The following TRAFD1 variants were observed in gnomAD, a reference collection of about 807,000 sequenced individuals.
TRAFD1 encodes TRAF-type zinc finger domain containing 1.
In TRAFD1, 38 loss-of-function variants were observed where a neutral mutation model predicts 65.3. The ratio of observed to expected loss-of-function variants is 0.58; its 90% CI spans 0.45 to 0.76. The LOEUF (loss-of-function observed/expected upper bound fraction) is 0.76. TRAFD1 is among the 30% of genes least tolerant of loss of function. The pLI is 0.00. For missense variants in TRAFD1, 631 were observed against 712.6 expected (o/e 0.89, Z 1.30); for synonymous variants, 223 against 257.2 (o/e 0.87, Z 1.27).
At position 112,152,312 on chromosome 12, in the gene TRAFD1, C is replaced by T; in HGVS notation, c.1620-115C>T. 3.4e-6 allele frequency: 5 copies of T among 1,474,740 alleles called. No homozygotes were observed. Among genetic ancestry groups the T allele is most frequent in the Non-Finnish European group, 4.6e-6 (5 of 1,082,574 alleles). 91.4% of individuals were successfully genotyped at this position (1,474,740 alleles called of 1,614,324 possible). A position where few individuals can be genotyped will look rare whatever the true frequency, so the allele number is the denominator to read the frequency against. On this transcript the variant is annotated intron_variant, in intron 10 of 11. Coordinates refer to ENST00000412615, the MANE Select transcript of TRAFD1 (RefSeq NM_006700.3). This position sits in a 1 kb window ranked among gnomAD's most constrained non-coding sequence, Gnocchi z 5.0. ...GACTCCAAAAAAATTATTTTGTGGCCTATGGGTTTTTTGGGGTTTGTCTGC... is the reference window on the plus strand; with the variant it reads ...GACTCCAAAAAAATTATTTTGTGGCTTATGGGTTTTTTGGGGTTTGTCTGC...
At chr12:112,149,723 G>C (rs2030348693) in intron 8 of TRAFD1, 28 bp from the exon 9 acceptor site, 1 of 1,613,442 alleles carries the variant, frequency 6.2e-7, no homozygotes, top group Non-Finnish European at 8.5e-7. Flanking sequence ...TCAATTCAGA[G>C]GTACTAATTC....
chr12:112,149,996 G>T, intron 9 of TRAFD1, 125 bp downstream of exon 9: 1 of 1,356,130 alleles, frequency 7.4e-7, no homozygotes, highest in South Asian at 1.4e-5. Context: ...ACACACTAGG[G>T]TCTCATAGGG....
intron 5 of TRAFD1, 55 bp from the exon 6 acceptor site, chr12:112,142,034 G>A (rs1368877514): frequency 6.3e-7 from 1 of 1,584,356 alleles, no homozygotes; most frequent in African/African-American, 1.4e-5. Flanking sequence ...GACTTGAGTT[G>A]AGGGTGGTAA....
intron 4 of TRAFD1, among the ~76,000 whole-genome samples, chr12:112,139,347 CAAAA>C (rs1373467037): frequency 6.8e-6 from 1 of 148,118 alleles, no homozygotes; most frequent in Non-Finnish European, 1.5e-5. Context: ...GATCCTGTCT[CAAAA>C]AAAAGAAAAG....
Position 112,152,527 on chromosome 12 carries a change from C to A in TRAFD1, c.1692+28C>A. On this transcript the variant is annotated intron_variant, in intron 11 of 11. Transcript: ENST00000412615. This position sits in a 1 kb window ranked among gnomAD's most constrained non-coding sequence, Gnocchi z 5.0. ...AAGGTGGGCTCCAGCCCATGATGCTCAGTGGGGGACTCAGACATGGTGGGG... is the reference window on the plus strand; with the variant it reads ...AAGGTGGGCTCCAGCCCATGATGCTAAGTGGGGGACTCAGACATGGTGGGG... The A allele has an allele frequency of 6.2e-7, 1 of 1,613,124 alleles. No homozygotes were observed. The highest frequency in any genetic ancestry group is 1.1e-5 in the South Asian group (1 of 91,030).
chr12:112,135,171 C>T (rs1593865113), intron 4 of TRAFD1, 105 bp downstream of exon 4: 2 of 1,271,724 alleles, frequency 1.6e-6, no homozygotes, highest in Middle Eastern at 2.1e-4. Flanking sequence ...TCCGTGAGCT[C>T]ACATGCATAC....
chr12:112,143,572 G>A (rs1672949465), intron 6 of TRAFD1, among the ~76,000 whole-genome samples: 1 of 151,792 alleles, frequency 6.6e-6, no homozygotes, highest in Non-Finnish European at 1.5e-5. Context: ...ATTTTTCTCC[G>A]TAGTTATTTC....
chr12:112,131,093 G>T (rs1265028057), intron 2 of TRAFD1, among the ~76,000 whole-genome samples: 3 of 152,140 alleles, frequency 2.0e-5, no homozygotes, highest in Admixed American at 6.5e-5. Context: ...AGCAACAGCT[G>T]GTTACAATAT....
rs761777981 is a variant in TRAFD1 at position 112,142,098 on chromosome 12, A to G, written c.653A>G (p.Gln218Arg). The change falls in exon 6 of 12, where the codon CAA (glutamine) becomes CGA (arginine). Residue 218 changes from glutamine (Q) to arginine (R), a missense_variant. By Grantham distance (43) the Gln-to-Arg change is conservative (BLOSUM62 1). Transcript: ENST00000412615. Reference sequence around the variant, plus strand: ...GGTTTTTTTTTTTCAGTTGAAGAACAAGAGAGGCAGGAAAGGAATAGAGGC... The same window carrying G: ...GGTTTTTTTTTTTCAGTTGAAGAACGAGAGAGGCAGGAAAGGAATAGAGGC... ...VSIQNNLFEE[Q>R]ERQERNRGQQ... is the part of the protein sequence containing the mutation. 1.2e-6 allele frequency: 2 copies of G among 1,613,166 alleles called. No individual in the cohort carries two copies. Among genetic ancestry groups the G allele is most frequent in the Admixed American group, 3.3e-5 (2 of 59,980 alleles).
At chr12:112,131,307 T>C (rs1406536225) in intron 2 of TRAFD1, among the ~76,000 whole-genome samples, 2 of 152,134 alleles carry the variant, frequency 1.3e-5, no homozygotes, top group Non-Finnish European at 2.9e-5. Flanking sequence ...AAGAGACACA[T>C]TGGTTTTTAG....
intron 9 of TRAFD1, among the ~76,000 whole-genome samples, chr12:112,151,359 A>G (rs1364724072): frequency 6.6e-6 from 1 of 151,620 alleles, no homozygotes; most frequent in Non-Finnish European, 1.5e-5. Context: ...TGCCCTGGAG[A>G]TGTGGGTTCC....
At position 112,142,231 on chromosome 12, in the gene TRAFD1, C is replaced by T. The variant is rs146374447; in HGVS notation, c.786C>T (p.Phe262=). 1.9e-4 allele frequency: 306 copies of T among 1,613,986 alleles called. No homozygotes were observed. In the African/African-American group the frequency reaches 3.7e-3, roughly 19 times the overall value. ...CCTCCAGTGTGGCAGAGCAGGACTT[C>T]TGGAGGGCCGTATGTGAGGCCGACC... The part of the protein sequence containing the change: ...GQASSVAEQD[F]WRAVCEADQS... The change falls in exon 6 of 12, where the codon TTC becomes TTT. Residue 262 remains phenylalanine, a synonymous_variant. Coordinates refer to ENST00000412615, the MANE Select transcript of TRAFD1 (RefSeq NM_006700.3).
At chr12:112,129,791 C>T (rs1161688702) in intron 1 of TRAFD1, among the ~76,000 whole-genome samples, 2 of 151,562 alleles carry the variant, frequency 1.3e-5, no homozygotes, top group African/African-American at 2.4e-5. Flanking sequence ...TACAGGCATG[C>T]GCCACCACAC....
chr12:112,148,090 C>T lies in TRAFD1; in HGVS notation c.944C>T (p.Ser315Leu), dbSNP rs1566051358. ...LIDHQTSCNPSRALPSLNTGS... is the reference protein window; with the variant it reads ...LIDHQTSCNPLRALPSLNTGS... ...GAATGACAGACAAGCTGTAACCCTTCACGTGCCTTACCTTCACTCAATACT... is the reference window on the plus strand; with the variant it reads ...GAATGACAGACAAGCTGTAACCCTTTACGTGCCTTACCTTCACTCAATACT... Residue 315 changes from serine to leucine, a missense_variant, in exon 8 of 12, where the codon TCA (serine) becomes TTA (leucine). Physicochemically the swap from Ser to Leu is moderately radical, Grantham distance 145. Transcript: ENST00000412615. 2 of 1,614,156 alleles carry T rather than the reference C, an allele frequency of 1.2e-6. No individual in the cohort carries two copies. The highest frequency in any genetic ancestry group is 1.7e-6 in the Non-Finnish European group (2 of 1,179,998).
At chr12:112,136,988 G>A (rs559172448) in intron 4 of TRAFD1, among the ~76,000 whole-genome samples, 1 of 152,350 alleles carries the variant, frequency 6.6e-6, no homozygotes, top group South Asian at 2.1e-4. Context: ...ACTTTGGGAG[G>A]CTGAGGTGGG....
At chr12:112,140,796 T>G (rs1433685710) in intron 4 of TRAFD1, 23 bp from the exon 5 acceptor site, 2 of 1,610,448 alleles carry the variant, frequency 1.2e-6, no homozygotes. Flanking sequence ...GCATATTAAC[T>G]GCCTCATTCC....
chr12:112,150,315 T>G (rs976518190), intron 9 of TRAFD1, among the ~76,000 whole-genome samples: 2 of 152,108 alleles, frequency 1.3e-5, no homozygotes, highest in Non-Finnish European at 1.5e-5. Context: ...AGTGGCACAA[T>G]CATAGCTTAC....
Position 112,137,501 on chromosome 12 carries a change from G to A in TRAFD1, c.237+2435G>A, listed in dbSNP as rs1333692263. Reference sequence around the variant, plus strand: ...TTCTTGGCTGGGCGCAGTGGCTCACGCCTGTAATCCCAGCACTTTGGGAGG... The same window carrying A: ...TTCTTGGCTGGGCGCAGTGGCTCACACCTGTAATCCCAGCACTTTGGGAGG... On this transcript the variant is annotated intron_variant, in intron 4 of 11. Transcript: ENST00000412615. This position sits in a 1 kb window ranked among gnomAD's most constrained non-coding sequence, Gnocchi z 4.2. Among the ~76,000 whole-genome samples the A allele has an allele frequency of 1.3e-5, 2 of 152,170 alleles. No individual in the cohort carries two copies. The highest frequency in any genetic ancestry group is 3.9e-4 in the East Asian group (2 of 5,164).
chr12:112,127,661 C>CTTTTTTTTTTTTTTTTTT (rs1316495205), intron 1 of TRAFD1, among the ~76,000 whole-genome samples: 1 of 148,986 alleles, frequency 6.7e-6, no homozygotes, highest in South Asian at 2.1e-4. Context: ...TAATTTTTTG[C>CTTTTTTTTTTTTTTTTTT]TTTTTTGTTT....
Sources: allele counts gnomAD v4.1 joint callset (sites outside exome capture counted in the v4.1 genomes callset), GRCh38; gene constraint gnomAD v4.1.1; non-coding constraint Gnocchi (gnomAD v3.1); transcripts MANE v1.5; gene names NCBI Gene and HGNC (gene_info 2026-07-23, HGNC 2026-07-21).